Variants in RBPMS observed in about 807,000 individuals in gnomAD.
RBPMS encodes the protein RNA-binding protein with multiple splicing.
A neutral mutation model predicts 26.8 loss-of-function variants in RBPMS; 7 were observed. That is an observed-to-expected ratio of 0.26 (90% confidence interval 0.15 to 0.49). The LOEUF is 0.49. Among genes scored for constraint, RBPMS ranks in the 20% least tolerant of loss-of-function variants. The probability of loss-of-function intolerance (pLI) is 0.98; values close to 1 mark genes in which losing one functional copy is unlikely to be tolerated. For missense variants in RBPMS, 186 were observed against 250.0 expected (o/e 0.74, Z 1.73); for synonymous variants, 96 against 93.3 (o/e 1.03, Z -0.17).
chr8:30,455,625 C>T (rs899875103), intron 1 of RBPMS, among the ~76,000 whole-genome samples: 1 of 152,138 alleles, frequency 6.6e-6, no homozygotes, highest in East Asian at 1.9e-4. Context: ...CGTGGGAGCT[C>T]ACGCCTGTAA....
intron 1 of RBPMS, among the ~76,000 whole-genome samples, chr8:30,425,101 A>G (rs1811204472): frequency 6.6e-6 from 1 of 151,854 alleles, no homozygotes; most frequent in South Asian, 2.1e-4. Context: ...GTCTACAGGC[A>G]TGCATCACCA....
At chr8:30,424,399 T>C (rs1310851076) in intron 1 of RBPMS, among the ~76,000 whole-genome samples, 1 of 152,190 alleles carries the variant, frequency 6.6e-6, no homozygotes, top group East Asian at 1.9e-4. Flanking sequence ...GTTGCTATCA[T>C]TGTTATAATT....
chr8:30,444,061 T>C (rs1813449045), intron 1 of RBPMS, among the ~76,000 whole-genome samples: 1 of 152,126 alleles, frequency 6.6e-6, no homozygotes, highest in South Asian at 2.1e-4. Flanking sequence ...CATGCCCGGC[T>C]AATTTTTGTG....
chr8:30,457,767 G>T (rs542327429), intron 1 of RBPMS, among the ~76,000 whole-genome samples: 1 of 151,916 alleles, frequency 6.6e-6, no homozygotes, highest in Non-Finnish European at 1.5e-5. Context: ...TAGTAGAGAC[G>T]GGGTTTCACC....
chr8:30,556,578 C>T, intron 6 of RBPMS: 1 of 986,008 alleles, frequency 1.0e-6, no homozygotes. Context: ...CCAACCCACA[C>T]CCAGGCCGCA....
At chr8:30,413,500 C>G (rs1045548226) in intron 1 of RBPMS, among the ~76,000 whole-genome samples, 1 of 152,236 alleles carries the variant, frequency 6.6e-6, no homozygotes, top group Non-Finnish European at 1.5e-5. Flanking sequence ...ATGATAGCTA[C>G]TCTCAGCCTG....
chr8:30,385,418 C>G (rs962520026), intron 1 of RBPMS: 4 of 341,360 alleles, frequency 1.2e-5, no homozygotes, highest in African/African-American at 2.2e-5. Flanking sequence ...CTTTGTTTGC[C>G]CGGGATTTAT....
intron 7 of RBPMS, among the ~76,000 whole-genome samples, chr8:30,559,393 G>A (rs1007887712): frequency 2.0e-5 from 3 of 152,192 alleles, no homozygotes; most frequent in Non-Finnish European, 4.4e-5. Flanking sequence ...CATATCCAAA[G>A]TACTAATCGT....
intron 6 of RBPMS, chr8:30,555,974 G>A (rs1471337045): frequency 1.0e-6 from 1 of 984,390 alleles, no homozygotes; most frequent in Non-Finnish European, 1.2e-6. Flanking sequence ...GCCGGCTGTG[G>A]TGCGGGAACC....
intron 5 of RBPMS, among the ~76,000 whole-genome samples, chr8:30,520,511 ACTGCCTCAGTGGAC>A (rs1822918758): frequency 1.3e-5 from 2 of 152,234 alleles, no homozygotes; most frequent in Admixed American, 1.3e-4. Flanking sequence ...AAACACCAGG[ACTGCCTCAGTGGAC>A]CTTGTTTTGG....
At position 30,427,475 on chromosome 8, in the gene RBPMS, C is replaced by T. The variant is rs375041153; in HGVS notation, c.66+42317C>T. ...CATCTTGTTCTTTACCTGGAATGCC[C>T]TTCCATTCTTCCTCCACTACAGGAA... On this transcript the variant is annotated intron_variant, in intron 1 of 8. Coordinates refer to ENST00000397323, the MANE Select transcript of RBPMS (RefSeq NM_001008710.3). Among the ~76,000 whole-genome samples the T allele has an allele frequency of 2.0e-5, 3 of 152,192 alleles. No homozygotes were observed. The East Asian group carries it at 5.8e-4, about 29-fold the overall frequency.
intron 2 of RBPMS, among the ~76,000 whole-genome samples, chr8:30,475,849 C>G (rs923887842): frequency 6.6e-6 from 1 of 152,076 alleles, no homozygotes; most frequent in Non-Finnish European, 1.5e-5. Flanking sequence ...TGACAGCCAT[C>G]GCTTTAATGC....
chr8:30,451,501 A>G (rs143378148), intron 1 of RBPMS, among the ~76,000 whole-genome samples: 19 of 152,252 alleles, frequency 1.2e-4, no homozygotes, highest in Non-Finnish European at 2.8e-4. Flanking sequence ...CTGAGTTGAG[A>G]TTCTGATAGA....
chr8:30,455,348 T>C (rs552663139), intron 1 of RBPMS, among the ~76,000 whole-genome samples: 19 of 152,264 alleles, frequency 1.2e-4, no homozygotes, highest in African/African-American at 3.9e-4. Flanking sequence ...TTCAAAGTTA[T>C]AGTGATAAGT....
intron 6 of RBPMS, chr8:30,545,639 A>G (rs1196080427): frequency 6.1e-6 from 1 of 162,702 alleles, no homozygotes; most frequent in African/African-American, 2.4e-5. Flanking sequence ...CTTCTGACTT[A>G]AAACTCTTTT....
chr8:30,469,994 A>G (rs889889545), intron 1 of RBPMS, among the ~76,000 whole-genome samples: 1 of 152,204 alleles, frequency 6.6e-6, no homozygotes, highest in Non-Finnish European at 1.5e-5. Flanking sequence ...CAGTAGGCTT[A>G]GCAAAGCCAA....
chr8:30,547,348 A>C (rs1471308986), intron 6 of RBPMS: 2 of 1,613,904 alleles, frequency 1.2e-6, no homozygotes, highest in Admixed American at 1.7e-5. Flanking sequence ...TTCTCCAGCA[A>C]ATTAGATTTG....
intron 8 of RBPMS, among the ~76,000 whole-genome samples, chr8:30,569,260 A>G (rs1828104215): frequency 3.3e-5 from 5 of 152,126 alleles, no homozygotes; most frequent in Admixed American, 3.3e-4. Flanking sequence ...CCTACAGTCT[A>G]AGTGTCTGAA....
chr8:30,385,466 T>A, intron 1 of RBPMS: 1 of 256,112 alleles, frequency 3.9e-6, no homozygotes, highest in Non-Finnish European at 7.3e-6. Context: ...TGACCTCAGA[T>A]AATCGGGACT....
Sources: allele counts gnomAD v4.1 joint callset (sites outside exome capture counted in the v4.1 genomes callset), GRCh38; gene constraint gnomAD v4.1.1; transcripts MANE v1.5; gene names NCBI Gene and HGNC (gene_info 2026-07-23, HGNC 2026-07-21).